The following DNMT1 variants were observed in gnomAD, a reference collection of about 807,000 sequenced individuals.
DNMT1 encodes DNA (cytosine-5)-methyltransferase 1.
Under a neutral mutation model 205.3 loss-of-function variants are expected in DNMT1, and 24 were observed. That is an observed-to-expected ratio of 0.12 (90% confidence interval 0.08 to 0.16). The LOEUF (loss-of-function observed/expected upper bound fraction) is 0.16, where lower values mean the gene tolerates loss of function less well. DNMT1 is among the 10% of genes least tolerant of loss of function. The pLI is 1.00. For missense variants in DNMT1, 1,293 were observed against 2,177.7 expected (o/e 0.59, Z 8.09); for synonymous variants, 817 against 839.8 (o/e 0.97, Z 0.47).
At position 10,135,857 on chromosome 19, in the gene DNMT1, G is replaced by T. The variant is rs1191009995; in HGVS notation, c.4657-5C>A. ...CTCTGGGTGGAGCACGCGGCCCTGG[G>T]GGAAAGAGGCGCGGTGGGCGAGGGC... is the stretch of plus-strand genomic sequence containing the variant. On this transcript the variant is annotated splice_region_variant and splice_polypyrimidine_tract_variant and intron_variant, in intron 38 of 40. Coordinates refer to ENST00000359526, the MANE Select transcript of DNMT1 (RefSeq NM_001130823.3). 5 of 1,548,170 alleles carry T rather than the reference G, an allele frequency of 3.2e-6. No individual in the cohort carries two copies. The highest frequency in any genetic ancestry group is 2.4e-5 in the East Asian group (1 of 41,430).
At chr19:10,182,453 GTATATATATGTGTGTATATA>G (rs2039077925) in intron 1 of DNMT1, among the ~76,000 whole-genome samples, 1 of 119,850 alleles carries the variant, frequency 8.3e-6, no homozygotes, top group Non-Finnish European at 1.8e-5. Flanking sequence ...ATATATATGT[GTATATATATGTGTGTATATA>G]TATACATATA....
Position 10,156,039 on chromosome 19 carries a change from C to T in DNMT1, c.1400-94G>A. On this transcript the variant is annotated intron_variant, in intron 18 of 40. Coordinates refer to ENST00000359526, the MANE Select transcript of DNMT1 (RefSeq NM_001130823.3). The surrounding 1 kb of genome is among the most constrained non-coding windows in gnomAD (Gnocchi z 4.2). ...GCCCACTCAGCAGACATCCCATCAG[C>T]CAGGTCGGGTGCTCCTCAGTCATCA... 7.6e-7 allele frequency: 1 copy of T among 1,322,942 alleles called. No individual in the cohort carries two copies. Among genetic ancestry groups the T allele is most frequent in the South Asian group, 1.3e-5 (1 of 79,546 alleles). 82.0% of individuals were successfully genotyped at this position (1,322,942 alleles called of 1,614,324 possible).
In DNMT1 at chr19:10,156,357, T is replaced by C. The variant is rs2038457293; in HGVS notation, c.1399+34A>G. ...CCACCCTGCCTGGCTGTTTTTAAAGTGTGCCCCAAACATAATCCCGGACTA... is the reference window on the plus strand; with the variant it reads ...CCACCCTGCCTGGCTGTTTTTAAAGCGTGCCCCAAACATAATCCCGGACTA... On this transcript the variant is annotated intron_variant, in intron 18 of 40. Coordinates refer to ENST00000359526, the MANE Select transcript of DNMT1 (RefSeq NM_001130823.3). This position sits in a 1 kb window ranked among gnomAD's most constrained non-coding sequence, Gnocchi z 4.2. The C allele has an allele frequency of 6.4e-7, 1 of 1,553,540 alleles. No homozygotes were observed. Among genetic ancestry groups the C allele is most frequent in the South Asian group, 1.1e-5 (1 of 89,618 alleles).
chr19:10,189,767 C>T (rs2039264961), intron 1 of DNMT1, among the ~76,000 whole-genome samples: 2 of 152,046 alleles, frequency 1.3e-5, no homozygotes, highest in Admixed American at 1.3e-4. Flanking sequence ...GTGTGTGTGA[C>T]TCACTTTCTT....
At chr19:10,192,126 C>G (rs1361867379) in intron 1 of DNMT1, among the ~76,000 whole-genome samples, 1 of 151,900 alleles carries the variant, frequency 6.6e-6, no homozygotes, top group African/African-American at 2.4e-5. Flanking sequence ...GCCCAGCCTT[C>G]TAAAAAATTT....
At chr19:10,139,221 C>T (rs541912036) in intron 34 of DNMT1, among the ~76,000 whole-genome samples, 1 of 152,244 alleles carries the variant, frequency 6.6e-6, no homozygotes, top group Non-Finnish European at 1.5e-5. Flanking sequence ...GTGCAACCCT[C>T]GGCCATCTGT....
chr19:10,177,561 A>C (rs1036027890), intron 5 of DNMT1, among the ~76,000 whole-genome samples, 194 bp from the exon 6 acceptor site: 1 of 152,130 alleles, frequency 6.6e-6, no homozygotes, highest in African/African-American at 2.4e-5. Flanking sequence ...CAGTTTGTTG[A>C]GCCATATCAT....
chr19:10,187,605 C>T (rs1465704428), intron 1 of DNMT1, among the ~76,000 whole-genome samples: 4 of 149,028 alleles, frequency 2.7e-5, no homozygotes, highest in African/African-American at 1.0e-4. Flanking sequence ...TATGACAGCA[C>T]GCACCTGTAC....
At position 10,149,633 on chromosome 19, in the gene DNMT1, G is replaced by T. The variant is rs1379915323; in HGVS notation, c.2406C>A (p.Ser802Arg). 1.9e-6 allele frequency: 3 copies of T among 1,613,752 alleles called. No individual in the cohort carries two copies. In the Admixed American group the frequency reaches 5.0e-5, roughly 27 times the overall value. The stretch of plus-strand genomic sequence containing the variant: ...GGGCGTGAAACATCTGCCCGTTGCT[G>T]CTGTCCTCCCACAGCGCCGTGACCC... ...LARVTALWED[S>R]SNGQMFHAHW... The change falls in exon 26 of 41, where the codon AGC becomes AGA. Residue 802 changes from serine to arginine, a missense_variant. Coordinates refer to ENST00000359526, the MANE Select transcript of DNMT1 (RefSeq NM_001130823.3).
chr19:10,175,735 T>C (rs1029293726), intron 6 of DNMT1, 117 bp from the exon 7 acceptor site: 3 of 986,466 alleles, frequency 3.0e-6, no homozygotes, highest in African/African-American at 1.6e-5. Flanking sequence ...AATGTTTCTC[T>C]GAATGACGGG....
rs1555688125 is a variant in DNMT1 at position 10,138,516 on chromosome 19, T to A, written c.4038A>T (p.Pro1346=). Residue 1346 remains proline, a synonymous_variant, in exon 35 of 41, where the codon CCA becomes CCT. Transcript: ENST00000359526. The surrounding 1 kb of genome is among the most constrained non-coding windows in gnomAD (Gnocchi z 4.1). ...PGEKLPLFPE[P]LHVFAPRACQ... ...AGGCCCGGGGAGCAAACACGTGCAG[T>A]GGCTCCGGGAACAGAGGGAGCTTCT... The A allele has an allele frequency of 6.2e-7, 1 of 1,613,280 alleles. No individual in the cohort carries two copies. Among genetic ancestry groups the A allele is most frequent in the Non-Finnish European group, 8.5e-7 (1 of 1,180,034 alleles).
rs2038457414 is a variant in DNMT1 at position 10,156,361 on chromosome 19, C to T, written c.1399+30G>A. 6.4e-7 allele frequency: 1 copy of T among 1,560,306 alleles called. No homozygotes were observed. The highest frequency in any genetic ancestry group is 1.7e-5 in the Admixed American group (1 of 59,706). ...CCTGCCTGGCTGTTTTTAAAGTGTG[C>T]CCCAAACATAATCCCGGACTATTCC... is the stretch of plus-strand genomic sequence containing the variant. On this transcript the variant is annotated intron_variant, in intron 18 of 40. Transcript: ENST00000359526. The surrounding 1 kb of genome is among the most constrained non-coding windows in gnomAD (Gnocchi z 4.2).
intron 9 of DNMT1, among the ~76,000 whole-genome samples, chr19:10,171,104 G>T (rs1042851874): frequency 6.6e-6 from 1 of 151,818 alleles, no homozygotes; most frequent in Non-Finnish European, 1.5e-5. Context: ...CACCACACCC[G>T]GCCCTCAGTC....
In DNMT1 at chr19:10,175,590, A is replaced by G. The variant is rs2038924855; in HGVS notation, c.598T>C (p.Ser200Pro). 3.1e-6 allele frequency: 5 copies of G among 1,613,562 alleles called. No homozygotes were observed. Among genetic ancestry groups the G allele is most frequent in the Non-Finnish European group, 3.4e-6 (4 of 1,179,896 alleles). The stretch of plus-strand genomic sequence containing the variant: ...GACTCATCCGATTTGGCTCTTTCAG[A>G]CTCTTCCTGAGGTTTCCGTTTGGCA... ...GPAKRKPQEESERAKSDESIK... is the reference protein window; with the variant it reads ...GPAKRKPQEEPERAKSDESIK... Residue 200 changes from serine (S) to proline (P), a missense_variant, in exon 7 of 41, where the codon TCT becomes CCT. Coordinates refer to ENST00000359526, the MANE Select transcript of DNMT1 (RefSeq NM_001130823.3).
At position 10,173,075 on chromosome 19, in the gene DNMT1, G is replaced by A. The variant is rs778811208; in HGVS notation, c.768+15C>T. 1.2e-6 allele frequency: 2 copies of A among 1,614,028 alleles called. No homozygotes were observed. The highest frequency in any genetic ancestry group is 3.3e-5 in the Admixed American group (2 of 60,000). On this transcript the variant is annotated intron_variant, in intron 9 of 40. Coordinates refer to ENST00000359526, the MANE Select transcript of DNMT1 (RefSeq NM_001130823.3). ...TAAGGGAGAATTAACAAACTTAGAG[G>A]TGATAGAGCTTTACTTTTTCATCTC...
chr19:10,183,541 A>T (rs988556378), intron 1 of DNMT1, among the ~76,000 whole-genome samples: 27 of 152,164 alleles, frequency 1.8e-4, no homozygotes, highest in African/African-American at 6.3e-4. Context: ...AAACATGGCG[A>T]AACTCCATCT....
Position 10,180,799 on chromosome 19 carries a change from T to G in DNMT1, c.204A>C (p.Leu68Phe). ...TTACCTCGGATAATTCTTCTTTACG[T>G]AATTTGGTTTCCAAGTCACATAACT... ...KNQLCDLETK[L>F]RKEELSEEGY... Residue 68 changes from leucine (L) to phenylalanine (F), a missense_variant, in exon 3 of 41, where the codon TTA becomes TTC. Physicochemically the swap from Leu to Phe is conservative, Grantham distance 22. Transcript: ENST00000359526. The G allele has an allele frequency of 6.2e-7, 1 of 1,614,122 alleles. No individual in the cohort carries two copies. The highest frequency in any genetic ancestry group is 8.5e-7 in the Non-Finnish European group (1 of 1,180,012).
chr19:10,133,848 A>ACGTT lies in DNMT1; in HGVS notation c.4865-151_4865-148dup. 2.2e-6 allele frequency: 2 copies of ACGTT among 916,444 alleles called. No individual in the cohort carries two copies. Among genetic ancestry groups the ACGTT allele is most frequent in the Non-Finnish European group, 3.5e-6 (2 of 575,320 alleles). 56.8% of individuals were successfully genotyped at this position (916,444 alleles called of 1,614,324 possible). ...CAATAAGTGGCAGAGTGCTAAGGGA[A>ACGTT]CGTTCACGGAGACTGAACACTCCTC... On this transcript the variant is annotated intron_variant, in intron 40 of 40. Coordinates refer to ENST00000359526, the MANE Select transcript of DNMT1 (RefSeq NM_001130823.3). This position sits in a 1 kb window ranked among gnomAD's most constrained non-coding sequence, Gnocchi z 4.1.
At position 10,138,819 on chromosome 19, in the gene DNMT1, C is replaced by A. The variant is rs1449700056; in HGVS notation, c.3949-214G>T. Among the ~76,000 whole-genome samples the A allele has an allele frequency of 6.6e-6, 1 of 152,216 alleles. No individual in the cohort carries two copies. The highest frequency in any genetic ancestry group is 1.5e-5 in the Non-Finnish European group (1 of 68,040). ...AAAGCAGCTGAGCCCAGGGGACAGCCACTGGGGAAGGTGGGAGCAAACCCT... is the reference window on the plus strand; with the variant it reads ...AAAGCAGCTGAGCCCAGGGGACAGCAACTGGGGAAGGTGGGAGCAAACCCT... On this transcript the variant is annotated intron_variant, in intron 34 of 40. Transcript: ENST00000359526. The surrounding 1 kb of genome is among the most constrained non-coding windows in gnomAD (Gnocchi z 4.1).
Sources: allele counts gnomAD v4.1 joint callset (sites outside exome capture counted in the v4.1 genomes callset), GRCh38; gene constraint gnomAD v4.1.1; non-coding constraint Gnocchi (gnomAD v3.1); transcripts MANE v1.5; gene names NCBI Gene and HGNC (gene_info 2026-07-23, HGNC 2026-07-21).